Variants in KDM3B observed in about 807,000 individuals in gnomAD.
KDM3B encodes the protein lysine-specific demethylase 3B.
A neutral mutation model predicts 170.0 loss-of-function variants in KDM3B; 10 were observed. That is an observed-to-expected ratio of 0.06 (90% confidence interval 0.04 to 0.10). The LOEUF is 0.10. Ranked by LOEUF, KDM3B falls within the 10% of genes least tolerant of loss-of-function variation. The pLI is 1.00. For missense variants in KDM3B, 1,394 were observed against 2,195.2 expected, an observed-to-expected ratio of 0.64 and a Z score of 7.29; for synonymous variants, 831 against 834.8, an observed-to-expected ratio of 1.00 and a Z score of 0.08.
At chr5:138,369,552 A>G (rs1261913292) in intron 1 of KDM3B, among the ~76,000 whole-genome samples, 1 of 152,084 alleles carries the variant, frequency 6.6e-6, no homozygotes, top group African/African-American at 2.4e-5. Context: ...TGAAGCCCCA[A>G]TCTTTTATCC....
At position 138,424,251 on chromosome 5, in the gene KDM3B, C is replaced by T. The variant is rs767893361; in HGVS notation, c.4149C>T (p.Ser1383=). The part of the protein sequence containing the change: ...LNVLDPHTSH[S]WLCDGRLLCL... ...TGCTAGATCCCCATACTTCTCACTC[C>T]TGGCTTTGTGATGGGAGGCTTCTGT... Residue 1383 remains serine, a synonymous_variant, in exon 16 of 24, where the codon TCC becomes TCT. Coordinates refer to ENST00000314358, the MANE Select transcript of KDM3B (RefSeq NM_016604.4). The T allele has an allele frequency of 9.3e-6, 15 of 1,614,064 alleles. No homozygotes were observed. The Middle Eastern group carries it at 4.9e-4, about 53-fold the overall frequency.
chr5:138,374,970 A>G (rs1761959309), intron 2 of KDM3B, 123 bp from the exon 3 acceptor site: 1 of 621,514 alleles, frequency 1.6e-6, no homozygotes, highest in East Asian at 2.8e-5. Context: ...CTTATGCTTT[A>G]GCTTATCTGT....
intron 12 of KDM3B, among the ~76,000 whole-genome samples, chr5:138,416,890 A>G (rs1444415796): frequency 6.6e-6 from 1 of 152,102 alleles, no homozygotes; most frequent in Non-Finnish European, 1.5e-5. Flanking sequence ...GCACAATCTC[A>G]GCTCACTGCA....
intron 7 of KDM3B, among the ~76,000 whole-genome samples, chr5:138,387,125 T>C (rs1263449724): frequency 3.3e-5 from 5 of 152,218 alleles, no homozygotes; most frequent in African/African-American, 1.2e-4. Flanking sequence ...TTTTTCTCCC[T>C]ATCTTCACCT....
At chr5:138,381,959 C>T (rs1277962671) in intron 6 of KDM3B, among the ~76,000 whole-genome samples, 1 of 112,008 alleles carries the variant, frequency 8.9e-6, no homozygotes, top group African/African-American at 3.1e-5. Context: ...TAAACTACGT[C>T]CACTTTTTTT....
chr5:138,428,712 A>G (rs1203186289), intron 20 of KDM3B, among the ~76,000 whole-genome samples: 4 of 152,158 alleles, frequency 2.6e-5, no homozygotes, highest in African/African-American at 9.7e-5. Flanking sequence ...AAATGAAGAA[A>G]GGGCAGAGTT....
chr5:138,407,412 C>T (rs1762850897), intron 11 of KDM3B, among the ~76,000 whole-genome samples: 1 of 152,132 alleles, frequency 6.6e-6, no homozygotes, highest in Admixed American at 6.6e-5. Flanking sequence ...GTCTTTTCCT[C>T]TTGGAAGCCC....
At chr5:138,396,820 A>G (rs930162792) in intron 9 of KDM3B, among the ~76,000 whole-genome samples, 1 of 152,170 alleles carries the variant, frequency 6.6e-6, no homozygotes, top group African/African-American at 2.4e-5. Flanking sequence ...AGAAGAGGGA[A>G]TGTACCAAGA....
Position 138,392,074 on chromosome 5 carries a change from C to T in KDM3B, c.2442C>T (p.Thr814=). The T allele has an allele frequency of 6.2e-7, 1 of 1,613,042 alleles. No homozygotes were observed. Among genetic ancestry groups the T allele is most frequent in the Admixed American group, 1.7e-5 (1 of 59,984 alleles). ...GCAGACAAGACTCGGACTCCAGCAC[C>T]AACAGTGACCTGTCAGATTTGAGTG... ...LACRQDSDSS[T]NSDLSDLSDS... Residue 814 remains threonine, a synonymous_variant, in exon 8 of 24, where the codon ACC becomes ACT. Transcript: ENST00000314358.
At position 138,391,110 on chromosome 5, in the gene KDM3B, A is replaced by G. The variant is rs374421164; in HGVS notation, c.1478A>G (p.Asn493Ser). 4.3e-5 allele frequency: 69 copies of G among 1,613,968 alleles called. No individual in the cohort carries two copies. Among genetic ancestry groups the G allele is most frequent in the African/African-American group, 1.3e-4 (10 of 74,920 alleles). Residue 493 changes from asparagine to serine, a missense_variant, in exon 8 of 24, where the codon AAT (asparagine) becomes AGT (serine). This residue lies in a region of KDM3B where 10 missense variants were observed against 29.3 expected (regional missense o/e 0.34). Coordinates refer to ENST00000314358, the MANE Select transcript of KDM3B (RefSeq NM_016604.4). The surrounding 1 kb of genome is among the most constrained non-coding windows in gnomAD (Gnocchi z 5.0). ...LTFGSGRSQS[N>S]GVLATENKPL... is the part of the protein sequence containing the mutation. Reference sequence around the variant, plus strand: ...TTTGGAAGTGGAAGGAGCCAGTCCAATGGTGTTCTAGCCACAGAGAACAAA... The same window carrying G: ...TTTGGAAGTGGAAGGAGCCAGTCCAGTGGTGTTCTAGCCACAGAGAACAAA...
chr5:138,411,315 G>C (rs1762963432), intron 11 of KDM3B, among the ~76,000 whole-genome samples: 1 of 152,118 alleles, frequency 6.6e-6, no homozygotes. Context: ...GTTTTTCCTA[G>C]GTTATGATTA....
intron 20 of KDM3B, 100 bp downstream of exon 20, chr5:138,428,186 TTTTC>T: frequency 1.6e-6 from 2 of 1,212,912 alleles, no homozygotes; most frequent in Non-Finnish European, 2.3e-6. Context: ...TTCCTTTTTT[TTTTC>T]TTTTTCTTTT....
intron 14 of KDM3B, among the ~76,000 whole-genome samples, chr5:138,419,728 TACACAC>T (rs144047213): frequency 0.011 from 1,292 of 122,160 alleles, 14 homozygotes; most frequent in South Asian, 0.016. Flanking sequence ...TACACACACA[TACACAC>T]ACACACACAC....
chr5:138,423,079 G>T (rs1385498807), intron 15 of KDM3B, among the ~76,000 whole-genome samples: 1 of 152,118 alleles, frequency 6.6e-6, no homozygotes, highest in Admixed American at 6.6e-5. Context: ...AAGTAGCTGG[G>T]ACTACAGGCA....
At chr5:138,368,576 C>T (rs1420127755) in intron 1 of KDM3B, among the ~76,000 whole-genome samples, 1 of 152,098 alleles carries the variant, frequency 6.6e-6, no homozygotes, top group Non-Finnish European at 1.5e-5. Flanking sequence ...TGCTCTAACT[C>T]TTTCATTTTT....
chr5:138,359,461 C>A (rs1173615904), intron 1 of KDM3B, among the ~76,000 whole-genome samples: 4 of 148,432 alleles, frequency 2.7e-5, no homozygotes, highest in Non-Finnish European at 6.0e-5. Context: ...CGTGCCCCCC[C>A]CACCTTTTTT....
intron 6 of KDM3B, 38 bp downstream of exon 6, chr5:138,381,628 G>T: frequency 7.7e-7 from 1 of 1,292,220 alleles, no homozygotes; most frequent in Non-Finnish European, 1.1e-6. Context: ...AGACTCATGA[G>T]CTTGCATTAT....
chr5:138,407,613 G>A (rs1190819764), intron 11 of KDM3B, among the ~76,000 whole-genome samples: 2 of 152,148 alleles, frequency 1.3e-5, no homozygotes, highest in Admixed American at 1.3e-4. Context: ...CAGATATCAA[G>A]GTACAGCATT....
chr5:138,373,055 T>G (rs1037648063), intron 2 of KDM3B, among the ~76,000 whole-genome samples: 6 of 152,168 alleles, frequency 3.9e-5, no homozygotes, highest in Non-Finnish European at 4.4e-5. Context: ...AAGAATTTTT[T>G]TGGCCAGACG....
Sources: gnomAD v4.1 joint callset for allele counts (sites outside exome capture counted in the v4.1 genomes callset) on GRCh38, gnomAD v4.1.1 for gene constraint, gnomAD v4.1.1 regional missense constraint, Gnocchi (gnomAD v3.1) non-coding constraint, MANE v1.5 for transcripts, NCBI Gene and HGNC (gene_info 2026-07-23, HGNC 2026-07-21) for gene names.